The following S100A10 variants were observed in gnomAD, a reference collection of about 807,000 sequenced individuals.
The protein encoded by S100A10 is S100 calcium binding protein A10.
S100A10 carries 3 observed loss-of-function variants against 7.1 expected under a neutral mutation model. That is an observed-to-expected ratio of 0.42 (90% CI 0.19 to 1.10). The LOEUF (loss-of-function observed/expected upper bound fraction) is 1.10. Among genes scored for constraint, S100A10 ranks in the 50% least tolerant of loss-of-function variants. The pLI, the probability that S100A10 is intolerant of heterozygous loss-of-function variation, is 0.29. For missense variants in S100A10, 101 were observed against 118.1 expected (o/e 0.86, Z 0.67); for synonymous variants, 41 against 39.3 (o/e 1.04, Z -0.16).
intron 1 of S100A10, among the ~76,000 whole-genome samples, chr1:151,991,689 T>TTA (rs1655906039): frequency 6.6e-6 from 1 of 152,246 alleles, no homozygotes; most frequent in Non-Finnish European, 1.5e-5. Context: ...AATTTATACA[T>TTA]TATAATCCTG....
Position 151,986,141 on chromosome 1 carries a change from G to A in S100A10, c.90C>T (p.Asp30=), listed in dbSNP as rs76349723. ...ACTCCTTTTCCATGAGTACTCTCAGGTCCTCCTTTGTTAAGTAGCCTTTAT... is the reference window on the plus strand; with the variant it reads ...ACTCCTTTTCCATGAGTACTCTCAGATCCTCCTTTGTTAAGTAGCCTTTAT... The part of the protein sequence containing the change: ...AGDKGYLTKE[D]LRVLMEKEFP... The change falls in exon 2 of 3, where the codon GAC becomes GAT. Residue 30 remains aspartate (D), a synonymous_variant. Coordinates refer to ENST00000368811, the MANE Select transcript of S100A10 (RefSeq NM_002966.3). 1.0e-3 allele frequency: 1,640 copies of A among 1,609,108 alleles called. 14 individuals carry two copies. In the African/African-American group the frequency reaches 0.02, roughly 19 times the overall value.
chr1:151,985,177 A>G (rs920421439), intron 2 of S100A10: 40 of 152,606 alleles, frequency 2.6e-4, no homozygotes, highest in African/African-American at 9.4e-4. Flanking sequence ...ATCTCCTCTC[A>G]CCCTTTACAG....
intron 1 of S100A10, among the ~76,000 whole-genome samples, chr1:151,989,745 G>A (rs1655867547): frequency 6.6e-6 from 1 of 152,188 alleles, no homozygotes; most frequent in African/African-American, 2.4e-5. Flanking sequence ...CTGCAGCACT[G>A]CTAGCTGCCA....
intron 1 of S100A10, among the ~76,000 whole-genome samples, chr1:151,987,733 G>T (rs1655824611): frequency 6.6e-6 from 1 of 151,754 alleles, no homozygotes; most frequent in East Asian, 1.9e-4. Flanking sequence ...GTAGAGATGG[G>T]GTTTCACCGT....
intron 1 of S100A10, among the ~76,000 whole-genome samples, chr1:151,988,110 G>C (rs1655835704): frequency 6.6e-6 from 1 of 152,174 alleles, no homozygotes. Context: ...AAGGAAACAT[G>C]TCAGATCATT....
chr1:151,984,489 G>A (rs1005555707), intron 2 of S100A10, among the ~76,000 whole-genome samples: 16 of 152,136 alleles, frequency 1.1e-4, no homozygotes. Flanking sequence ...GAAACAAAAT[G>A]CTCTGTTAAT....
chr1:151,986,354 T>A, intron 1 of S100A10, 103 bp from the exon 2 acceptor site: 1 of 830,074 alleles, frequency 1.2e-6, no homozygotes, highest in Non-Finnish European at 1.9e-6. Context: ...TGTATGTATT[T>A]AATGTGTACA....
Position 151,993,657 on chromosome 1 carries a change from G to A in S100A10, c.-22+95C>T, listed in dbSNP as rs889005806. 6 of 152,450 alleles carry A rather than the reference G, an allele frequency of 3.9e-5. No individual in the cohort carries two copies. The highest frequency in any genetic ancestry group is 2.0e-4 in the Admixed American group (3 of 15,292). The allele number at this position is 152,450 out of a possible 1,614,324, so 9.4% of individuals were successfully genotyped here. A position where few individuals can be genotyped will look rare whatever the true frequency, so the allele number is the denominator to read the frequency against. ...CCCCGCCCAGCCCCGCGGTGCTCCG[G>A]ACGCCCCGCGAAGCCGGGTGCAGGG... is the stretch of plus-strand genomic sequence containing the variant. On this transcript the variant is annotated intron_variant, in intron 1 of 2. Coordinates refer to ENST00000368811, the MANE Select transcript of S100A10 (RefSeq NM_002966.3). The surrounding 1 kb of genome is among the most constrained non-coding windows in gnomAD (Gnocchi z 5.1).
chr1:151,992,827 C>G (rs1287883901), intron 1 of S100A10, among the ~76,000 whole-genome samples: 6 of 152,326 alleles, frequency 3.9e-5, no homozygotes, highest in African/African-American at 1.4e-4. Context: ...TCCACCCCAG[C>G]CAACAAGGCA....
At chr1:151,986,833 C>A (rs1021514972) in intron 1 of S100A10, among the ~76,000 whole-genome samples, 5 of 152,166 alleles carry the variant, frequency 3.3e-5, no homozygotes, top group Non-Finnish European at 5.9e-5. Flanking sequence ...TCCATCTGAT[C>A]TTCTCCAGCT....
At chr1:151,987,858 T>C (rs1235908473) in intron 1 of S100A10, among the ~76,000 whole-genome samples, 6 of 152,332 alleles carry the variant, frequency 3.9e-5, no homozygotes, top group Non-Finnish European at 8.8e-5. Context: ...GCTCTGAACT[T>C]GTTATTTACT....
intron 2 of S100A10, 32 bp from the exon 3 acceptor site, chr1:151,983,356 G>A (rs372089416): frequency 1.4e-6 from 2 of 1,452,712 alleles, no homozygotes; most frequent in African/African-American, 2.9e-5. Context: ...GCAAGAAATA[G>A]AAGTCAAAGG....
chr1:151,988,055 G>A (rs1286296774), intron 1 of S100A10, among the ~76,000 whole-genome samples: 3 of 152,216 alleles, frequency 2.0e-5, no homozygotes, highest in African/African-American at 7.2e-5. Context: ...CTGGGGTACA[G>A]TGGGAAAGCA....
At chr1:151,986,037 G>A (rs1655781292) in intron 2 of S100A10, 62 bp downstream of exon 2, 1 of 1,441,602 alleles carries the variant, frequency 6.9e-7, no homozygotes, top group Non-Finnish European at 9.2e-7. Context: ...GAAGGAAAAG[G>A]AACCAAGGCC....
In S100A10 at chr1:151,986,186, T is replaced by C. The variant is rs757617934; in HGVS notation, c.45A>G (p.Thr15=). ...CTTTATCCCCAGCGAATTTGTGAAA[T>C]GTAAACATCATGGTTTCCATGGCGT... is the stretch of plus-strand genomic sequence containing the variant. ...MEHAMETMMF[T]FHKFAGDKGY... is the part of the protein sequence containing the mutation. The change falls in exon 2 of 3, where the codon ACA becomes ACG. Residue 15 remains threonine (T), a synonymous_variant. Coordinates refer to ENST00000368811, the MANE Select transcript of S100A10 (RefSeq NM_002966.3). 2.6e-5 allele frequency: 42 copies of C among 1,608,966 alleles called. No homozygotes were observed. The highest frequency in any genetic ancestry group is 3.3e-5 in the Non-Finnish European group (39 of 1,178,522).
In S100A10 at chr1:151,983,054, G is replaced by T; in HGVS notation, c.*109C>A. 2.9e-6 allele frequency: 2 copies of T among 679,876 alleles called. No individual in the cohort carries two copies. Among genetic ancestry groups the T allele is most frequent in the Non-Finnish European group, 4.6e-6 (2 of 435,808 alleles). 42.1% of individuals were successfully genotyped at this position (679,876 alleles called of 1,614,324 possible). ...GATTTTATTTTTACATTTGCTAAGT[G>T]TCCTGATCTGCTCATGAAATCCTTC... On this transcript the variant is annotated 3_prime_UTR_variant, in exon 3 of 3. Transcript: ENST00000368811.
intron 1 of S100A10, among the ~76,000 whole-genome samples, chr1:151,991,773 T>G (rs1655910017): frequency 6.6e-6 from 1 of 152,220 alleles, no homozygotes; most frequent in African/African-American, 2.4e-5. Context: ...CCAAGTGGGT[T>G]GTGCTCTACA....
At chr1:151,986,347 A>T (rs1655791748) in intron 1 of S100A10, 96 bp from the exon 2 acceptor site, 3 of 843,832 alleles carry the variant, frequency 3.6e-6, no homozygotes, top group African/African-American at 1.8e-5. Flanking sequence ...ATAAAATTGT[A>T]TGTATTTAAT....
chr1:151,990,250 T>C (rs973464591), intron 1 of S100A10, among the ~76,000 whole-genome samples: 1 of 152,230 alleles, frequency 6.6e-6, no homozygotes, highest in African/African-American at 2.4e-5. Context: ...GCACATTCCA[T>C]ACGCAAAAGG....
Sources: gnomAD v4.1 joint callset for allele counts (sites outside exome capture counted in the v4.1 genomes callset) on GRCh38, gnomAD v4.1.1 for gene constraint, Gnocchi (gnomAD v3.1) non-coding constraint, MANE v1.5 for transcripts, NCBI Gene and HGNC (gene_info 2026-07-23, HGNC 2026-07-21) for gene names.